SLC28A1: variants seen among roughly 807,000 people sequenced by gnomAD.
SLC28A1 encodes solute carrier family 28 member 1.
In SLC28A1, 64 loss-of-function variants were observed where a neutral mutation model predicts 74.8. The observed-to-expected ratio is 0.86, with a 90% CI of 0.70 to 1.05. SLC28A1 has a LOEUF of 1.05. Ranked by LOEUF, SLC28A1 falls within the 50% of genes least tolerant of loss-of-function variation. The pLI is 0.00. For synonymous variants in SLC28A1, 359 were observed against 335.0 expected (o/e 1.07, Z -0.78); for missense variants, 828 against 822.8 (o/e 1.01, Z -0.08).
Position 84,913,000 on chromosome 15 carries a change from G to A in SLC28A1, c.795+4205G>A, listed in dbSNP as rs142574220. On this transcript the variant is annotated intron_variant, in intron 9 of 18. Coordinates refer to ENST00000394573, the MANE Select transcript of SLC28A1 (RefSeq NM_004213.5). The stretch of plus-strand genomic sequence containing the variant: ...AAGGGAGATGGGACAGCCGAGGCAG[G>A]AGGCATCTTGTTGAAAACCCAGGAT... 4.4e-3 allele frequency among the ~76,000 whole-genome samples: 663 copies of A among 152,246 alleles called. 2 individuals are homozygous for A. Among genetic ancestry groups the A allele is most frequent in the Non-Finnish European group, 7.5e-3 (509 of 68,016 alleles).
chr15:84,897,717 C>T (rs1966154476), intron 6 of SLC28A1, among the ~76,000 whole-genome samples: 1 of 152,164 alleles, frequency 6.6e-6, no homozygotes, highest in African/African-American at 2.4e-5. Flanking sequence ...ATCTATCTGT[C>T]ACTAGGTCTT....
chr15:84,935,549 G>A (rs945211762), intron 15 of SLC28A1, 31 bp downstream of exon 15: 29 of 1,590,710 alleles, frequency 1.8e-5, no homozygotes, highest in Admixed American at 1.5e-4. Flanking sequence ...CCTGCAGCAG[G>A]GGGATGACAC....
chr15:84,901,166 C>A (rs553000815), intron 6 of SLC28A1, among the ~76,000 whole-genome samples: 62 of 151,832 alleles, frequency 4.1e-4, no homozygotes, highest in African/African-American at 1.4e-3. Flanking sequence ...AGCCACGGTG[C>A]CTGGCCTTGT....
downstream of SLC28A1, among the ~76,000 whole-genome samples, chr15:84,947,185 T>C (rs1349562973): frequency 6.6e-6 from 1 of 152,242 alleles, no homozygotes; most frequent in Non-Finnish European, 1.5e-5. Context: ...GAGTGGAGGC[T>C]TGGCCTGACT....
At chr15:84,946,085 C>CATAT (rs1352839442), downstream of SLC28A1, among the ~76,000 whole-genome samples, 990 of 23,888 alleles carry the variant, frequency 0.041, 48 homozygotes, top group South Asian at 0.081. Context: ...TGTGTATGTT[C>CATAT]ATATATATAT....
At chr15:84,913,632 G>A (rs2141861473) in intron 9 of SLC28A1, among the ~76,000 whole-genome samples, 1 of 152,350 alleles carries the variant, frequency 6.6e-6, no homozygotes, top group Non-Finnish European at 1.5e-5. Flanking sequence ...CACTGGCCTA[G>A]AAGAGCTAGA....
At chr15:84,921,123 G>T in intron 11 of SLC28A1, 54 bp downstream of exon 11, 1 of 1,358,558 alleles carries the variant, frequency 7.4e-7, no homozygotes. Flanking sequence ...CCCAAAGAGG[G>T]CAGTTTCCCT....
intron 8 of SLC28A1, among the ~76,000 whole-genome samples, chr15:84,907,909 AT>A (rs1444330665): frequency 1.3e-5 from 2 of 152,136 alleles, no homozygotes; most frequent in African/African-American, 4.8e-5. Context: ...CATTTTATAG[AT>A]GGGAACACTG....
intron 10 of SLC28A1, among the ~76,000 whole-genome samples, chr15:84,920,143 G>C (rs2141906358): frequency 6.6e-6 from 1 of 152,260 alleles, no homozygotes; most frequent in African/African-American, 2.4e-5. Context: ...ATTTCATCTT[G>C]ATTAAAAAGA....
intron 9 of SLC28A1, among the ~76,000 whole-genome samples, chr15:84,909,451 G>C (rs530428068): frequency 6.6e-6 from 1 of 152,340 alleles, no homozygotes; most frequent in South Asian, 2.1e-4. Flanking sequence ...CTGTTTCAAA[G>C]ACCTTATTGT....
At chr15:84,954,391 A>C in the SLC28A1 span, among the ~76,000 whole-genome samples, 3 of 152,366 alleles carry the variant, frequency 2.0e-5, no homozygotes, top group East Asian at 5.8e-4. Flanking sequence ...AAATGATAGC[A>C]TATCTTCAAA....
chr15:84,963,634 C>T, the SLC28A1 span, among the ~76,000 whole-genome samples: 9 of 152,050 alleles, frequency 5.9e-5, no homozygotes, highest in East Asian at 5.8e-4. Flanking sequence ...GCTGCCCCCC[C>T]GAGCCTGTCT....
downstream of SLC28A1, among the ~76,000 whole-genome samples, chr15:84,949,328 G>A (rs2079337259): frequency 6.6e-6 from 1 of 152,166 alleles, no homozygotes; most frequent in African/African-American, 2.4e-5. Context: ...ACTAAAGATT[G>A]GATATGGTCT....
chr15:84,904,319 A>G, intron 7 of SLC28A1, 81 bp downstream of exon 7: 2 of 1,598,274 alleles, frequency 1.3e-6, no homozygotes, highest in Non-Finnish European at 1.7e-6. Flanking sequence ...GAGCTGGGGT[A>G]TAGGCAGATG....
At chr15:84,885,841 T>C (rs1246499139) in intron 1 of SLC28A1, among the ~76,000 whole-genome samples, 1 of 152,106 alleles carries the variant, frequency 6.6e-6, no homozygotes, top group Non-Finnish European at 1.5e-5. Context: ...ATTTCTCTAA[T>C]GTTTAAATGT....
intron 9 of SLC28A1, 127 bp downstream of exon 9, chr15:84,908,922 C>T (rs1967723266): frequency 1.3e-6 from 1 of 782,150 alleles, no homozygotes; most frequent in Non-Finnish European, 2.2e-6. Context: ...GGTCGCCGTA[C>T]TGGGAAGTTA....
the SLC28A1 span, among the ~76,000 whole-genome samples, chr15:84,965,675 A>G: frequency 6.6e-6 from 1 of 152,170 alleles, no homozygotes; most frequent in African/African-American, 2.4e-5. Flanking sequence ...AGGATGACCA[A>G]CTTGTCCTGG....
intron 6 of SLC28A1, chr15:84,895,484 G>T: frequency 6.2e-7 from 1 of 1,607,856 alleles, no homozygotes; most frequent in South Asian, 1.1e-5. Context: ...GGGGGATTCA[G>T]CAGGCTCGAT....
At chr15:84,895,337 G>C in intron 6 of SLC28A1, 1 of 1,613,516 alleles carries the variant, frequency 6.2e-7, no homozygotes, top group Non-Finnish European at 8.5e-7. Flanking sequence ...GCAGGTGACT[G>C]TGGTGGACGA....
Sources: allele counts gnomAD v4.1 joint callset (sites outside exome capture counted in the v4.1 genomes callset), GRCh38; gene constraint gnomAD v4.1.1; transcripts MANE v1.5; gene names NCBI Gene and HGNC (gene_info 2026-07-23, HGNC 2026-07-21).